The following SRSF10 variants were observed in gnomAD, a reference collection of about 807,000 sequenced individuals.
SRSF10 encodes serine/arginine-rich splicing factor 10.
A neutral mutation model predicts 32.6 loss-of-function variants in SRSF10; 9 were observed. That is an observed-to-expected ratio of 0.28 (90% CI 0.17 to 0.48). SRSF10 has a LOEUF of 0.48. SRSF10 is among the 20% of genes least tolerant of loss of function. SRSF10 has a pLI of 0.99. For synonymous variants in SRSF10, 105 were observed against 112.4 expected (o/e 0.93, Z 0.42); for missense variants, 201 against 331.8 (o/e 0.61, Z 3.06).
chr1:23,968,305 G>T lies in SRSF10; in HGVS notation c.*2837C>A, dbSNP rs1387651041. Among the ~76,000 whole-genome samples the T allele has an allele frequency of 6.6e-6, 1 of 152,084 alleles. No individual in the cohort carries two copies. The highest frequency in any genetic ancestry group is 1.9e-4 in the East Asian group (1 of 5,180). On this transcript the variant is annotated 3_prime_UTR_variant, in exon 6 of 6. Transcript: ENST00000492112. ...CAAGTAAAAATAAAAATGAAATTAG[G>T]CCTTCTAGTTCTATACAGAAAATGA...
At chr1:23,972,916 T>G (rs1641860283) in intron 3 of SRSF10, among the ~76,000 whole-genome samples, 1 of 152,136 alleles carries the variant, frequency 6.6e-6, no homozygotes, top group Non-Finnish European at 1.5e-5. Context: ...AGTTTCGTAT[T>G]TTTAGTGCAG....
At position 23,964,900 on chromosome 1, in the gene SRSF10, CA is replaced by C. The variant is rs1294360569; in HGVS notation, c.*6241del. 6.6e-6 allele frequency: 1 copy of C among 152,000 alleles called. No individual in the cohort carries two copies. The highest frequency in any genetic ancestry group is 6.6e-5 in the Admixed American group (1 of 15,250). The allele number at this position is 152,000 out of a possible 1,614,324, so 9.4% of individuals were successfully genotyped here. ...GATACAAAGGCCTTTTACTTCTTTACAAACTACGGTTAGTTCTCAATGAATT... is the reference window on the plus strand; with the variant it reads ...GATACAAAGGCCTTTTACTTCTTTACAACTACGGTTAGTTCTCAATGAATT... On this transcript the variant is annotated 3_prime_UTR_variant, in exon 6 of 6. Transcript: ENST00000492112.
In SRSF10 at chr1:23,971,238, T is replaced by C; in HGVS notation, c.693A>G (p.Glu231=). The part of the protein sequence containing the change: ...SRYEKESRKK[E]PPRSKSQSRS... ...TTGACTGAGATTTGGATCTAGGTGG[T>C]TCTTTTTTCCTTGATTCCTTTTCAT... The change falls in exon 6 of 6, where the codon GAA becomes GAG. Residue 231 remains glutamate, a synonymous_variant. Coordinates refer to ENST00000492112, the MANE Select transcript of SRSF10 (RefSeq NM_054016.4). 1 of 1,614,116 alleles carries C rather than the reference T, an allele frequency of 6.2e-7. No individual in the cohort carries two copies. The highest frequency in any genetic ancestry group is 8.5e-7 in the Non-Finnish European group (1 of 1,179,972).
intron 3 of SRSF10, among the ~76,000 whole-genome samples, chr1:23,973,158 G>A (rs1008468122): frequency 6.6e-6 from 1 of 152,164 alleles, no homozygotes; most frequent in Admixed American, 6.5e-5. Context: ...AAAAAGGCAC[G>A]TATTTATTTT....
At chr1:23,979,053 C>CGT (rs1642250673) in intron 1 of SRSF10, 3 of 81,042 alleles carry the variant, frequency 3.7e-5, no homozygotes, top group Admixed American at 1.8e-4. Context: ...TGTATATAAG[C>CGT]CTTGTTTTTT....
chr1:23,970,675 A>C lies in SRSF10; in HGVS notation c.*467T>G. 2.0e-6 allele frequency: 2 copies of C among 986,998 alleles called. No homozygotes were observed. Among genetic ancestry groups the C allele is most frequent in the Non-Finnish European group, 2.4e-6 (2 of 831,146 alleles). 61.1% of individuals were successfully genotyped at this position (986,998 alleles called of 1,614,324 possible). On this transcript the variant is annotated 3_prime_UTR_variant, in exon 6 of 6. Coordinates refer to ENST00000492112, the MANE Select transcript of SRSF10 (RefSeq NM_054016.4). ...CGCCCAGCCGGGCCTAGACATCTTG[A>C]CAAGACATAAAGGTCCACCCTGAAC... is the stretch of plus-strand genomic sequence containing the variant.
In SRSF10 at chr1:23,980,229, G is replaced by A; in HGVS notation, c.27C>T (p.Asn9=). Residue 9 remains asparagine, a synonymous_variant, in exon 1 of 6, where the codon AAC becomes AAT. Coordinates refer to ENST00000492112, the MANE Select transcript of SRSF10 (RefSeq NM_054016.4). ...CCACGTTCCTGACGAACAGAGACGT[G>A]TTGGGGGGACGCAGGTAGCGGGACA... MSRYLRPP[N]TSLFVRNVAD... 1.3e-6 allele frequency: 2 copies of A among 1,522,230 alleles called. No homozygotes were observed. The highest frequency in any genetic ancestry group is 1.8e-6 in the Non-Finnish European group (2 of 1,133,026). 94.3% of individuals were successfully genotyped at this position (1,522,230 alleles called of 1,614,324 possible). A position where few individuals can be genotyped will look rare whatever the true frequency, so the allele number is the denominator to read the frequency against.
At position 23,969,011 on chromosome 1, in the gene SRSF10, T is replaced by C. The variant is rs1240563620; in HGVS notation, c.*2131A>G. The C allele has an allele frequency of 1.5e-6, 1 of 683,492 alleles. No individual in the cohort carries two copies. The highest frequency in any genetic ancestry group is 1.9e-5 in the African/African-American group (1 of 51,372). 42.3% of individuals were successfully genotyped at this position (683,492 alleles called of 1,614,324 possible). Reference sequence around the variant, plus strand: ...CAATGATTTAAAATATTCCTAAATCTATAAAGGACTGTTTCCATTGTTATT... The same window carrying C: ...CAATGATTTAAAATATTCCTAAATCCATAAAGGACTGTTTCCATTGTTATT... On this transcript the variant is annotated 3_prime_UTR_variant, in exon 6 of 6. Coordinates refer to ENST00000492112, the MANE Select transcript of SRSF10 (RefSeq NM_054016.4).
chr1:23,966,084 A>C lies in SRSF10; in HGVS notation c.*5058T>G, dbSNP rs746630099. The C allele has an allele frequency of 1.1e-4, 16 of 151,956 alleles. No individual in the cohort carries two copies. The highest frequency in any genetic ancestry group is 1.8e-4 in the Non-Finnish European group (12 of 67,840). 9.4% of individuals were successfully genotyped at this position (151,956 alleles called of 1,614,324 possible). On this transcript the variant is annotated 3_prime_UTR_variant, in exon 6 of 6. Transcript: ENST00000492112. ...TCCATGAAAATAAAGCTATAAAAACACTTCCCCATTGGATTAAACAACAAA... is the reference window on the plus strand; with the variant it reads ...TCCATGAAAATAAAGCTATAAAAACCCTTCCCCATTGGATTAAACAACAAA...
chr1:23,980,115 T>C lies in SRSF10; in HGVS notation c.65+76A>G, dbSNP rs978367418. 2.0e-4 allele frequency: 285 copies of C among 1,439,158 alleles called. No individual in the cohort carries two copies. In the African/African-American group the frequency reaches 3.5e-3, roughly 17 times the overall value. The allele number at this position is 1,439,158 out of a possible 1,614,324, so 89.1% of individuals were successfully genotyped here. A position where few individuals can be genotyped will look rare whatever the true frequency, so the allele number is the denominator to read the frequency against. Reference sequence around the variant, plus strand: ...CACTCCGTCCCCTCCCCCGGCCCAGTGCCGCCACCACCAGGGTCCTCTCCA... The same window carrying C: ...CACTCCGTCCCCTCCCCCGGCCCAGCGCCGCCACCACCAGGGTCCTCTCCA... On this transcript the variant is annotated intron_variant, in intron 1 of 5. Transcript: ENST00000492112.
rs1262516589 is a variant in SRSF10, at chr1:23,970,653, C to T, written c.*489G>A. 1.0e-6 allele frequency: 1 copy of T among 986,172 alleles called. No homozygotes were observed. Among genetic ancestry groups the T allele is most frequent in the Non-Finnish European group, 1.2e-6 (1 of 830,658 alleles). 61.1% of individuals were successfully genotyped at this position (986,172 alleles called of 1,614,324 possible). A position where few individuals can be genotyped will look rare whatever the true frequency, so the allele number is the denominator to read the frequency against. On this transcript the variant is annotated 3_prime_UTR_variant, in exon 6 of 6. Coordinates refer to ENST00000492112, the MANE Select transcript of SRSF10 (RefSeq NM_054016.4). ...GGATTACAGGTGTGAGCCACCACGC[C>T]CAGCCGGGCCTAGACATCTTGACAA...
In SRSF10 at chr1:23,980,198, C is replaced by T; in HGVS notation, c.58G>A (p.Asp20Asn). Residue 20 changes from aspartate to asparagine, a missense_variant, in exon 1 of 6, where the codon GAC (aspartate) becomes AAC (asparagine). Asp to Asn is a conservative substitution (Grantham distance 23). This residue lies in a region of SRSF10 where 41 missense variants were observed against 109.5 expected (regional missense o/e 0.37). Transcript: ENST00000492112. ...TSLFVRNVAD[D>N]TRSEDLRREF... ...TACCTGCCTTGTACCTACCTGGTGT[C>T]GTCGGCCACGTTCCTGACGAACAGA... is the stretch of plus-strand genomic sequence containing the variant. 2.0e-6 allele frequency: 3 copies of T among 1,530,322 alleles called. No individual in the cohort carries two copies. The highest frequency in any genetic ancestry group is 2.6e-6 in the Non-Finnish European group (3 of 1,137,294). 94.8% of individuals were successfully genotyped at this position (1,530,322 alleles called of 1,614,324 possible). A position where few individuals can be genotyped will look rare whatever the true frequency, so the allele number is the denominator to read the frequency against.
intron 2 of SRSF10, 141 bp downstream of exon 2, chr1:23,978,572 G>C: frequency 1.6e-5 from 18 of 1,098,054 alleles, no homozygotes; most frequent in Non-Finnish European, 2.2e-5. Context: ...CAATGTGTGA[G>C]TCAGAATTAA....
chr1:23,979,996 G>A (rs770921824), intron 1 of SRSF10, among the ~76,000 whole-genome samples, 195 bp downstream of exon 1: 41 of 152,334 alleles, frequency 2.7e-4, no homozygotes, highest in East Asian at 1.9e-3. Context: ...GCGGCCCGGC[G>A]AAGGCAGAGG....
chr1:23,976,967 A>C (rs1217738381), intron 2 of SRSF10: 1 of 152,108 alleles, frequency 6.6e-6, no homozygotes, highest in Non-Finnish European at 1.5e-5. Flanking sequence ...AATATCACAC[A>C]CTCTTGAATC....
At chr1:23,979,595 G>A (rs1022617539) in intron 1 of SRSF10, among the ~76,000 whole-genome samples, 8 of 152,106 alleles carry the variant, frequency 5.3e-5, no homozygotes, top group African/African-American at 1.9e-4. Context: ...TTTTCAAAGG[G>A]TGACCAGAAT....
chr1:23,978,025 GCTTTAT>G (rs1243719118), intron 2 of SRSF10: 5 of 985,248 alleles, frequency 5.1e-6, no homozygotes, highest in South Asian at 4.7e-5. Flanking sequence ...ATGACAGATG[GCTTTAT>G]CTTTAACTTT....
intron 1 of SRSF10, chr1:23,979,024 A>G: frequency 4.2e-6 from 1 of 239,688 alleles, no homozygotes; most frequent in Non-Finnish European, 8.1e-6. Flanking sequence ...TTTTCATAAA[A>G]GGTACAGCAG....
chr1:23,979,008 C>T (rs2148513672), intron 1 of SRSF10, 191 bp from the exon 2 acceptor site: 1 of 237,170 alleles, frequency 4.2e-6, no homozygotes, highest in South Asian at 1.3e-4. Context: ...TATCTACAGC[C>T]GTCATTTTTC....
Sources: allele counts gnomAD v4.1 joint callset (sites outside exome capture counted in the v4.1 genomes callset), GRCh38; gene constraint gnomAD v4.1.1; regional missense constraint gnomAD v4.1.1; transcripts MANE v1.5; gene names NCBI Gene and HGNC (gene_info 2026-07-23, HGNC 2026-07-21).